The following PLCB1 variants were observed in gnomAD, a reference collection of about 807,000 sequenced individuals.
PLCB1 encodes the protein phospholipase C beta 1.
PLCB1 carries 46 observed loss-of-function variants against 161.8 expected under a neutral mutation model. The ratio of observed to expected loss-of-function variants is 0.28; its 90% CI spans 0.22 to 0.36. The LOEUF is 0.36. Among genes scored for constraint, PLCB1 ranks in the 10% least tolerant of loss-of-function variants. The pLI, the probability that PLCB1 is intolerant of heterozygous loss-of-function variation, is 1.00. For missense variants in PLCB1, 1,016 were observed against 1,472.5 expected (o/e 0.69, Z 5.07); for synonymous variants, 517 against 503.7 (o/e 1.03, Z -0.35).
chr20:8,608,586 A>G (rs891423698), intron 3 of PLCB1, among the ~76,000 whole-genome samples: 7 of 152,198 alleles, frequency 4.6e-5, no homozygotes, highest in Admixed American at 3.9e-4. Context: ...ATAGTTCCTG[A>G]TATTTAGATA....
chr20:8,603,092 A>G (rs1430802507), intron 3 of PLCB1, among the ~76,000 whole-genome samples: 6 of 152,256 alleles, frequency 3.9e-5, no homozygotes, highest in Non-Finnish European at 8.8e-5. Flanking sequence ...TGAAAGGTCT[A>G]CGGTGTATGA....
At chr20:8,356,482 A>G (rs1467870633) in intron 2 of PLCB1, among the ~76,000 whole-genome samples, 1 of 152,186 alleles carries the variant, frequency 6.6e-6, no homozygotes, top group African/African-American at 2.4e-5. Context: ...TTTCTATAAA[A>G]TGATGCTGAA....
intron 2 of PLCB1, among the ~76,000 whole-genome samples, chr20:8,338,373 C>A (rs944004943): frequency 6.6e-6 from 1 of 152,074 alleles, no homozygotes; most frequent in Non-Finnish European, 1.5e-5. Context: ...GGAGGAATGT[C>A]TTTTCATCGA....
chr20:8,436,107 G>A (rs963540573), intron 3 of PLCB1, among the ~76,000 whole-genome samples: 2 of 152,168 alleles, frequency 1.3e-5, no homozygotes, highest in African/African-American at 4.8e-5. Context: ...GGGAGGCTGA[G>A]GCAGGTGGAT....
chr20:8,450,550 C>G (rs1265185249), intron 3 of PLCB1, among the ~76,000 whole-genome samples: 1 of 152,114 alleles, frequency 6.6e-6, no homozygotes, highest in Non-Finnish European at 1.5e-5. Flanking sequence ...TTCTTCTTGT[C>G]TCTGATTTTT....
intron 3 of PLCB1, among the ~76,000 whole-genome samples, chr20:8,397,224 A>G (rs973888875): frequency 6.6e-6 from 1 of 152,226 alleles, no homozygotes; most frequent in Non-Finnish European, 1.5e-5. Context: ...ATACAAGTCC[A>G]CTAGAGAAAA....
chr20:8,813,984 A>G (rs1042061142), intron 31 of PLCB1, among the ~76,000 whole-genome samples: 6 of 152,132 alleles, frequency 3.9e-5, no homozygotes, highest in African/African-American at 4.8e-5. Context: ...GAAGCTTTCT[A>G]TGTGATTTGT....
At chr20:8,807,558 A>G (rs6056133) in intron 31 of PLCB1, among the ~76,000 whole-genome samples, 3,987 of 151,900 alleles carry the variant, frequency 0.026, 163 homozygotes, top group African/African-American at 0.092. Context: ...TTAAATGAAT[A>G]GTGTTTTTTT....
chr20:8,438,685 C>A (rs775482378), intron 3 of PLCB1, among the ~76,000 whole-genome samples: 1 of 152,122 alleles, frequency 6.6e-6, no homozygotes, highest in Non-Finnish European at 1.5e-5. Context: ...CCAAGTACCC[C>A]CTAGCTTTGC....
intron 10 of PLCB1, among the ~76,000 whole-genome samples, chr20:8,688,354 A>G (rs1034178313): frequency 5.3e-5 from 8 of 152,086 alleles, no homozygotes; most frequent in South Asian, 2.1e-4. Context: ...GGTCCCAGCC[A>G]TGTATCTTTG....
At chr20:8,455,298 A>C (rs1568683030) in intron 3 of PLCB1, among the ~76,000 whole-genome samples, 1 of 147,776 alleles carries the variant, frequency 6.8e-6, no homozygotes, top group Non-Finnish European at 1.5e-5. Context: ...ATTGCACTCC[A>C]GCCTGGGCAA....
At chr20:8,509,238 C>T (rs73894562) in intron 3 of PLCB1, among the ~76,000 whole-genome samples, 6 of 152,042 alleles carry the variant, frequency 3.9e-5, no homozygotes, top group East Asian at 1.9e-4. Flanking sequence ...AGTGACCCCC[C>T]ACAAGTTCCT....
At chr20:8,343,031 G>A (rs986925342) in intron 2 of PLCB1, among the ~76,000 whole-genome samples, 4 of 152,098 alleles carry the variant, frequency 2.6e-5, no homozygotes, top group Non-Finnish European at 1.5e-5. Context: ...TTCACTAATC[G>A]CCCAAAACAT....
intron 3 of PLCB1, among the ~76,000 whole-genome samples, chr20:8,520,274 G>A (rs528218421): frequency 2.6e-5 from 4 of 152,198 alleles, no homozygotes; most frequent in African/African-American, 9.6e-5. Context: ...TATCCCATTG[G>A]TTAATTTTAA....
At chr20:8,136,033 C>T (rs1273114143) in intron 1 of PLCB1, among the ~76,000 whole-genome samples, 3 of 152,188 alleles carry the variant, frequency 2.0e-5, no homozygotes, top group Non-Finnish European at 4.4e-5. Context: ...GGACCCCCAG[C>T]CACTGATTTG....
At chr20:8,227,284 A>G (rs1979749963) in intron 2 of PLCB1, among the ~76,000 whole-genome samples, 1 of 152,178 alleles carries the variant, frequency 6.6e-6, no homozygotes, top group African/African-American at 2.4e-5. Context: ...AAAACAATAA[A>G]TAAACTCTTA....
At chr20:8,797,575 C>G (rs1355712387) in intron 31 of PLCB1, among the ~76,000 whole-genome samples, 1 of 152,048 alleles carries the variant, frequency 6.6e-6, no homozygotes, top group Non-Finnish European at 1.5e-5. Flanking sequence ...AACTTCTATT[C>G]TATGCATCCA....
chr20:8,854,995 C>T (rs1237486248), intron 31 of PLCB1, among the ~76,000 whole-genome samples: 1 of 152,080 alleles, frequency 6.6e-6, no homozygotes, highest in Non-Finnish European at 1.5e-5. Flanking sequence ...AATAACATAA[C>T]GGAGAGGGGA....
chr20:8,764,987 G>A (rs1600308266), intron 25 of PLCB1, 152 bp from the exon 26 acceptor site: 3 of 639,788 alleles, frequency 4.7e-6, no homozygotes, highest in African/African-American at 1.8e-5. Context: ...GATAGAGCCA[G>A]ACTGGAACCC....
Sources: allele counts gnomAD v4.1 joint callset (sites outside exome capture counted in the v4.1 genomes callset), GRCh38; gene constraint gnomAD v4.1.1; transcripts MANE v1.5; gene names NCBI Gene and HGNC (gene_info 2026-07-23, HGNC 2026-07-21).